ADGRL3: variants seen among roughly 807,000 people sequenced by gnomAD.
ADGRL3 encodes the protein adhesion G protein-coupled receptor L3.
Under a neutral mutation model 153.5 loss-of-function variants are expected in ADGRL3, and 62 were observed. The ratio of observed to expected loss-of-function variants is 0.40; its 90% confidence interval spans 0.33 to 0.50. ADGRL3 has a LOEUF of 0.50. ADGRL3 is among the 20% of genes least tolerant of loss of function. The probability of loss-of-function intolerance (pLI) is 0.47; values close to 1 mark genes in which losing one functional copy is unlikely to be tolerated. For synonymous variants in ADGRL3, 710 were observed against 672.5 expected (o/e 1.06, Z -0.86); for missense variants, 1,641 against 1,859.4 (o/e 0.88, Z 2.16).
intron 2 of ADGRL3, chr4:61,420,214 T>C (rs1248552487): frequency 1.3e-5 from 2 of 152,174 alleles, no homozygotes; most frequent in African/African-American, 4.8e-5. Context: ...TGTTCTCCCA[T>C]GATATCTTTT....
chr4:61,691,519 G>A (rs759392407), intron 6 of ADGRL3, among the ~76,000 whole-genome samples: 3 of 152,028 alleles, frequency 2.0e-5, no homozygotes, highest in Non-Finnish European at 2.9e-5. Flanking sequence ...TTTTGAAAAA[G>A]GTTTATTTCT....
chr4:61,253,951 C>T (rs1298800337), intron 1 of ADGRL3, among the ~76,000 whole-genome samples: 2 of 152,046 alleles, frequency 1.3e-5, no homozygotes, highest in Non-Finnish European at 2.9e-5. Context: ...ATTATTTTTT[C>T]CCAAATTAAG....
intron 8 of ADGRL3, among the ~76,000 whole-genome samples, chr4:61,773,081 G>A (rs188822472): frequency 5.3e-5 from 8 of 152,198 alleles, no homozygotes; most frequent in African/African-American, 1.2e-4. Context: ...CATAAAAGTC[G>A]ATCATACTGA....
In ADGRL3 at chr4:61,924,361, A is replaced by G. The variant is rs571076381; in HGVS notation, c.2113-10479A>G. 1.4e-4 allele frequency among the ~76,000 whole-genome samples: 21 copies of G among 152,218 alleles called. No individual in the cohort carries two copies. The East Asian group carries it at 2.3e-3, about 17-fold the overall frequency. ...TAGTTAGTCCTCTTGTCCACACTTT[A>G]TACATTCACACCCTTGGTGATCTCA... On this transcript the variant is annotated intron_variant, in intron 13 of 26. Transcript: ENST00000683033.
chr4:61,375,754 G>T (rs1396052305), intron 1 of ADGRL3, among the ~76,000 whole-genome samples: 1 of 151,830 alleles, frequency 6.6e-6, no homozygotes, highest in African/African-American at 2.4e-5. Context: ...AAGACCAAGG[G>T]GTCTATATGT....
At chr4:61,260,768 C>G (rs755422143) in intron 1 of ADGRL3, among the ~76,000 whole-genome samples, 9 of 152,030 alleles carry the variant, frequency 5.9e-5, no homozygotes, top group Non-Finnish European at 1.0e-4. Context: ...CTCTGTCACC[C>G]AGGCTGGAGT....
intron 4 of ADGRL3, among the ~76,000 whole-genome samples, chr4:61,563,727 G>C (rs1449236333): frequency 1.3e-5 from 2 of 152,070 alleles, no homozygotes; most frequent in Middle Eastern, 3.2e-3. Flanking sequence ...AAAACCTCAT[G>C]GGCCAGGCAC....
chr4:61,692,332 AT>A (rs33939750), intron 6 of ADGRL3, among the ~76,000 whole-genome samples: 56,891 of 151,528 alleles, frequency 0.38, 11,412 homozygotes, highest in East Asian at 0.57. Flanking sequence ...ATTCCCCTCT[AT>A]TTCTCAACCC....
At chr4:61,409,462 T>A (rs924876953) in intron 2 of ADGRL3, among the ~76,000 whole-genome samples, 2 of 147,650 alleles carry the variant, frequency 1.4e-5, no homozygotes, top group South Asian at 4.2e-4. Context: ...CTTTTCATAT[T>A]TATCAAACAG....
At chr4:61,755,934 A>G (rs1270206197) in intron 8 of ADGRL3, among the ~76,000 whole-genome samples, 1 of 152,110 alleles carries the variant, frequency 6.6e-6, no homozygotes, top group Non-Finnish European at 1.5e-5. Context: ...GGTTGTAGAT[A>G]TGCGGCATTA....
intron 6 of ADGRL3, among the ~76,000 whole-genome samples, chr4:61,683,483 G>A: frequency 6.6e-6 from 1 of 152,080 alleles, no homozygotes; most frequent in Non-Finnish European, 1.5e-5. Flanking sequence ...ACCTGAAGAT[G>A]AGAAAGTGCC....
At chr4:61,439,473 C>T (rs112239194) in intron 2 of ADGRL3, among the ~76,000 whole-genome samples, 2,253 of 152,172 alleles carry the variant, frequency 0.015, 60 homozygotes, top group African/African-American at 0.051. Flanking sequence ...TATTATTATA[C>T]GAAATATAAT....
At chr4:61,920,627 A>G (rs2098764237) in intron 13 of ADGRL3, among the ~76,000 whole-genome samples, 1 of 152,232 alleles carries the variant, frequency 6.6e-6, no homozygotes, top group Admixed American at 6.5e-5. Context: ...GCATGAAATC[A>G]TCAGAGACCA....
intron 1 of ADGRL3, among the ~76,000 whole-genome samples, chr4:61,319,874 G>C (rs915842265): frequency 6.6e-6 from 1 of 152,038 alleles, no homozygotes; most frequent in Non-Finnish European, 1.5e-5. Context: ...TTGAAAAATT[G>C]TTTCTCCTCT....
chr4:61,306,309 A>G (rs1039803978), intron 1 of ADGRL3, among the ~76,000 whole-genome samples: 2 of 152,010 alleles, frequency 1.3e-5, no homozygotes, highest in Non-Finnish European at 2.9e-5. Context: ...CGTGTTAGCC[A>G]GGATGGTCTC....
Position 62,044,372 on chromosome 4 carries a change from T to C in ADGRL3, c.3718-81T>C, listed in dbSNP as rs1044230978. ...TAGAAACAAAGGTCTCATATAATTA[T>C]GACAGAAAAGAAAAGAATGATTTGT... On this transcript the variant is annotated intron_variant, in intron 24 of 26. Coordinates refer to ENST00000683033, the MANE Select transcript of ADGRL3 (RefSeq NM_001387552.1). 1.3e-4 allele frequency: 123 copies of C among 941,962 alleles called. No homozygotes were observed. In the South Asian group the frequency reaches 1.6e-3, roughly 12 times the overall value. 58.4% of individuals were successfully genotyped at this position (941,962 alleles called of 1,614,324 possible). A position where few individuals can be genotyped will look rare whatever the true frequency, so the allele number is the denominator to read the frequency against.
At chr4:61,203,009 C>G (rs953553566) in intron 1 of ADGRL3, among the ~76,000 whole-genome samples, 20 of 152,162 alleles carry the variant, frequency 1.3e-4, no homozygotes, top group South Asian at 1.2e-3. Context: ...GAAACCTTGC[C>G]GTGTCCCCTT....
intron 3 of ADGRL3, among the ~76,000 whole-genome samples, chr4:61,511,693 T>C (rs1418635732): frequency 6.6e-6 from 1 of 152,074 alleles, no homozygotes; most frequent in Non-Finnish European, 1.5e-5. Context: ...AAGGAACCTG[T>C]TGAGTTAAAT....
At chr4:62,059,852 GAACT>G (rs1209027264) in intron 25 of ADGRL3, among the ~76,000 whole-genome samples, 3 of 152,002 alleles carry the variant, frequency 2.0e-5, no homozygotes, top group Non-Finnish European at 4.4e-5. Context: ...ATGAACTTTA[GAACT>G]AACTGTCTTC....
Sources: gnomAD v4.1 joint callset for allele counts (sites outside exome capture counted in the v4.1 genomes callset) on GRCh38, gnomAD v4.1.1 for gene constraint, MANE v1.5 for transcripts, NCBI Gene and HGNC (gene_info 2026-07-23, HGNC 2026-07-21) for gene names.